SORCS1: variants seen among roughly 807,000 people sequenced by gnomAD.
SORCS1 encodes sortilin related VPS10 domain containing receptor 1.
A neutral mutation model predicts 146.1 loss-of-function variants in SORCS1; 60 were observed. The ratio of observed to expected loss-of-function variants is 0.41; its 90% confidence interval spans 0.33 to 0.51. The LOEUF (loss-of-function observed/expected upper bound fraction) is 0.51, where lower values mean the gene tolerates loss of function less well. Among genes scored for constraint, SORCS1 ranks in the 20% least tolerant of loss-of-function variants. The probability of loss-of-function intolerance (pLI) is 0.21; values close to 1 mark genes in which losing one functional copy is unlikely to be tolerated. For synonymous variants in SORCS1, 637 were observed against 584.0 expected (o/e 1.09, Z -1.31); for missense variants, 1,352 against 1,487.6 (o/e 0.91, Z 1.50).
intron 2 of SORCS1, among the ~76,000 whole-genome samples, chr10:106,850,457 G>A (rs893995687): frequency 2.3e-4 from 35 of 152,010 alleles, no homozygotes; most frequent in Non-Finnish European, 3.4e-4. Context: ...CACACGGTGC[G>A]CGCACTCACT....
intron 1 of SORCS1, among the ~76,000 whole-genome samples, chr10:107,092,175 T>C (rs1039340050): frequency 6.6e-6 from 1 of 152,186 alleles, no homozygotes; most frequent in Non-Finnish European, 1.5e-5. Flanking sequence ...AGCAGAAGGA[T>C]TGGAAGCCAT....
chr10:106,776,521 T>A lies in SORCS1; in HGVS notation c.885+13A>T. ...CCATGCTTCATTGTCTCAAACAAGG[T>A]AAGTATGCTCACCTTTTGGTCTTGA... On this transcript the variant is annotated intron_variant, in intron 4 of 25. Coordinates refer to ENST00000263054, the MANE Select transcript of SORCS1 (RefSeq NM_052918.5). 6.2e-7 allele frequency: 1 copy of A among 1,613,564 alleles called. No individual in the cohort carries two copies. The highest frequency in any genetic ancestry group is 8.5e-7 in the Non-Finnish European group (1 of 1,179,624).
chr10:106,883,083 T>C (rs1950865700), intron 2 of SORCS1, among the ~76,000 whole-genome samples: 1 of 152,236 alleles, frequency 6.6e-6, no homozygotes, highest in Admixed American at 6.5e-5. Context: ...TCTTTGGAGA[T>C]ATCCATCCAG....
intron 1 of SORCS1, among the ~76,000 whole-genome samples, chr10:107,027,993 G>T (rs1054853733): frequency 2.6e-5 from 4 of 152,184 alleles, no homozygotes; most frequent in South Asian, 2.1e-4. Flanking sequence ...AAGAATGAAT[G>T]AATGAGTTTT....
intron 2 of SORCS1, among the ~76,000 whole-genome samples, chr10:106,928,482 C>T (rs1356586073): frequency 6.6e-6 from 1 of 152,248 alleles, no homozygotes; most frequent in African/African-American, 2.4e-5. Context: ...TCTCCCTCCA[C>T]ACCTCCCTGC....
At chr10:106,900,690 T>G (rs1951665404) in intron 2 of SORCS1, among the ~76,000 whole-genome samples, 1 of 152,178 alleles carries the variant, frequency 6.6e-6, no homozygotes, top group Non-Finnish European at 1.5e-5. Flanking sequence ...AACTTTATTT[T>G]CAGGGGTTGT....
intron 3 of SORCS1, among the ~76,000 whole-genome samples, chr10:106,776,962 CTT>C (rs2136376206): frequency 6.6e-6 from 1 of 152,264 alleles, no homozygotes; most frequent in East Asian, 1.9e-4. Flanking sequence ...TTAGGGGACT[CTT>C]TGTTTTATTT....
At chr10:107,111,828 GA>G in intron 1 of SORCS1, among the ~76,000 whole-genome samples, 1 of 152,142 alleles carries the variant, frequency 6.6e-6, no homozygotes, top group East Asian at 1.9e-4. Context: ...AGCAGCAAGA[GA>G]AAAGAGACTT....
At chr10:106,787,279 G>A (rs548513227) in intron 3 of SORCS1, among the ~76,000 whole-genome samples, 1 of 152,208 alleles carries the variant, frequency 6.6e-6, no homozygotes, top group Non-Finnish European at 1.5e-5. Context: ...AGGATACTTA[G>A]TGTTCCCTTC....
intron 12 of SORCS1, 107 bp from the exon 13 acceptor site, chr10:106,677,511 T>C (rs1852124619): frequency 5.3e-6 from 5 of 945,812 alleles, no homozygotes; most frequent in South Asian, 3.0e-5. Flanking sequence ...ATGATAAAAA[T>C]AGGTTTCCCT....
At chr10:107,096,552 G>T (rs982641797) in intron 1 of SORCS1, among the ~76,000 whole-genome samples, 2 of 151,912 alleles carry the variant, frequency 1.3e-5, no homozygotes, top group Non-Finnish European at 2.9e-5. Flanking sequence ...TCCTTCTGTC[G>T]CCAGGCTGGA....
At chr10:106,965,776 C>A (rs560295268) in intron 1 of SORCS1, among the ~76,000 whole-genome samples, 1 of 152,152 alleles carries the variant, frequency 6.6e-6, no homozygotes, top group East Asian at 1.9e-4. Flanking sequence ...CACTGAAATG[C>A]CCTCGCTTTC....
At chr10:106,803,968 T>C (rs1476496260) in intron 3 of SORCS1, among the ~76,000 whole-genome samples, 3 of 152,112 alleles carry the variant, frequency 2.0e-5, no homozygotes, top group Non-Finnish European at 4.4e-5. Flanking sequence ...AATCAGCCTA[T>C]TTTACAGGTT....
intron 1 of SORCS1, among the ~76,000 whole-genome samples, chr10:107,135,554 A>C (rs1590213579): frequency 6.6e-6 from 1 of 152,206 alleles, no homozygotes; most frequent in Non-Finnish European, 1.5e-5. Context: ...ATCCTCCTTA[A>C]CCAGCACCTG....
the SORCS1 span, among the ~76,000 whole-genome samples, chr10:107,177,473 T>A: frequency 6.6e-6 from 1 of 152,216 alleles, no homozygotes; most frequent in African/African-American, 2.4e-5. Flanking sequence ...ATGCTGTCCT[T>A]TAAAATATAT....
At chr10:106,776,461 G>T in intron 4 of SORCS1, 73 bp downstream of exon 4, 1 of 1,565,550 alleles carries the variant, frequency 6.4e-7, no homozygotes, top group Non-Finnish European at 8.7e-7. Context: ...GTGAAATGGA[G>T]AGATGATTAA....
chr10:106,920,764 C>T (rs1423559536), intron 2 of SORCS1, among the ~76,000 whole-genome samples: 5 of 152,110 alleles, frequency 3.3e-5, no homozygotes, highest in Non-Finnish European at 5.9e-5. Flanking sequence ...TTCTTGGGTG[C>T]GCTCTTTAGA....
intron 2 of SORCS1, among the ~76,000 whole-genome samples, chr10:106,930,127 C>A (rs1953327904): frequency 6.6e-6 from 1 of 151,940 alleles, no homozygotes. Flanking sequence ...AAAAAAAGTA[C>A]AAAAATTAGC....
rs537651643 is a variant in SORCS1, at chr10:106,795,119, T to C, written c.727-18427A>G. Among the ~76,000 whole-genome samples, 4 of 152,338 alleles carry C rather than the reference T, an allele frequency of 2.6e-5. No individual in the cohort carries two copies. The East Asian group carries it at 5.8e-4, about 22-fold the overall frequency. On this transcript the variant is annotated intron_variant, in intron 3 of 25. Transcript: ENST00000263054. ...GCATTTTCTAAGTGAAATTAAAAGT[T>C]CTAACACCATAAGAATTCAATAGTC... is the stretch of plus-strand genomic sequence containing the variant.
Sources: allele counts gnomAD v4.1 joint callset (sites outside exome capture counted in the v4.1 genomes callset), GRCh38; gene constraint gnomAD v4.1.1; transcripts MANE v1.5; gene names NCBI Gene and HGNC (gene_info 2026-07-23, HGNC 2026-07-21).